Variants in PCDH10 observed in about 807,000 individuals in gnomAD.
The protein encoded by PCDH10 is protocadherin-10.
Under a neutral mutation model 74.4 loss-of-function variants are expected in PCDH10, and 15 were observed. The observed-to-expected ratio is 0.20, with a 90% CI of 0.13 to 0.31. The LOEUF (loss-of-function observed/expected upper bound fraction) is 0.31, where lower values mean the gene tolerates loss of function less well. PCDH10 is among the 10% of genes least tolerant of loss of function. The pLI, the probability that PCDH10 is intolerant of heterozygous loss-of-function variation, is 1.00. For synonymous variants in PCDH10, 619 were observed against 589.8 expected (o/e 1.05, Z -0.72); for missense variants, 1,260 against 1,390.2 (o/e 0.91, Z 1.49).
At chr4:133,188,673 T>G (rs908589051) in intron 4 of PCDH10, among the ~76,000 whole-genome samples, 36 of 139,332 alleles carry the variant, frequency 2.6e-4, no homozygotes, top group Non-Finnish European at 3.1e-4. Context: ...GGGTTTTTTT[T>G]TTTTTTTTTT....
At chr4:133,157,191 T>C (rs141269043) in intron 3 of PCDH10, among the ~76,000 whole-genome samples, 18 of 152,350 alleles carry the variant, frequency 1.2e-4, no homozygotes, top group African/African-American at 4.3e-4. Flanking sequence ...AAAGCACTTA[T>C]GTTAAGAAGT....
At chr4:133,159,280 C>T (rs1326344634) in intron 3 of PCDH10, among the ~76,000 whole-genome samples, 1 of 151,944 alleles carries the variant, frequency 6.6e-6, no homozygotes, top group Non-Finnish European at 1.5e-5. Context: ...ATATCCACTG[C>T]CTGTGAGTGT....
At chr4:133,205,591 C>G (rs1276953723) in intron 2 of PCDH10, among the ~76,000 whole-genome samples, 1 of 152,072 alleles carries the variant, frequency 6.6e-6, no homozygotes, top group Non-Finnish European at 1.5e-5. Context: ...AATTATTACT[C>G]TCATCATTTC....
rs373261582 is a variant in PCDH10 at position 133,152,227 on chromosome 4, C to T, written c.2087C>T (p.Ser696Leu). Residue 696 changes from serine (S) to leucine (L), a missense_variant, in exon 1 of 5, where the codon TCA (serine) becomes TTA (leucine). Around this residue, in one of 11 missense-constraint regions of PCDH10, gnomAD observed 587 missense variants for 616.9 expected, o/e 0.95. Transcript: ENST00000264360. ...QGGGGSGGGG[S>L]GEHQRPSRSG... is the part of the protein sequence containing the mutation. ...GGGGGCGGGAGCGGAGGCGGAGGGT[C>T]AGGAGAGCACCAGCGCCCCAGTCGC... 1 of 1,604,324 alleles carries T rather than the reference C, an allele frequency of 6.2e-7. No individual in the cohort carries two copies. Among genetic ancestry groups the T allele is most frequent in the Non-Finnish European group, 8.5e-7 (1 of 1,175,108 alleles).
chr4:133,166,761 T>C (rs1252365055), intron 4 of PCDH10, among the ~76,000 whole-genome samples: 1 of 151,552 alleles, frequency 6.6e-6, no homozygotes, highest in Non-Finnish European at 1.5e-5. Flanking sequence ...CGTAAGTATG[T>C]GTTATTTGGA....
chr4:133,172,962 A>G (rs575014434), intron 4 of PCDH10, among the ~76,000 whole-genome samples: 1 of 151,982 alleles, frequency 6.6e-6, no homozygotes, highest in South Asian at 2.1e-4. Context: ...TCTATCAGAA[A>G]TGCTTTATAC....
Position 133,175,571 on chromosome 4 carries a change from A to T in PCDH10, c.3103+12289A>T, listed in dbSNP as rs183781644. Among the ~76,000 whole-genome samples the T allele has an allele frequency of 3.9e-3, 599 of 152,252 alleles. 5 individuals are homozygous for T. Among genetic ancestry groups the T allele is most frequent in the Non-Finnish European group, 4.8e-3 (324 of 67,998 alleles). On this transcript the variant is annotated intron_variant, in intron 4 of 4. Transcript: ENST00000264360. The stretch of plus-strand genomic sequence containing the variant: ...AAAATACCAATATAATAGCCAAATA[A>T]ACTGAAATACTCTTAAGAGATCGCC...
chr4:133,193,463 T>C lies in PCDH10; in HGVS notation c.*3303T>C, dbSNP rs1374813712. On this transcript the variant is annotated 3_prime_UTR_variant, in exon 5 of 5. Coordinates refer to ENST00000264360, the MANE Select transcript of PCDH10 (RefSeq NM_032961.3). ...ATCAGATTCTCTGTATTATAGAAGCTATCTTGCTTCTTCAATAAGAGGAGG... is the reference window on the plus strand; with the variant it reads ...ATCAGATTCTCTGTATTATAGAAGCCATCTTGCTTCTTCAATAAGAGGAGG... The C allele has an allele frequency of 1.3e-5, 2 of 151,710 alleles. No homozygotes were observed. The highest frequency in any genetic ancestry group is 4.8e-5 in the African/African-American group (2 of 41,422). 9.4% of individuals were successfully genotyped at this position (151,710 alleles called of 1,614,324 possible). A position where few individuals can be genotyped will look rare whatever the true frequency, so the allele number is the denominator to read the frequency against.
intron 2 of PCDH10, among the ~76,000 whole-genome samples, chr4:133,206,071 G>A (rs1308848872): frequency 2.6e-5 from 4 of 152,112 alleles, no homozygotes; most frequent in Admixed American, 1.3e-4. Flanking sequence ...TGTCTGTAGG[G>A]TAATCTGGGT....
At position 133,152,725 on chromosome 4, in the gene PCDH10, A is replaced by C. The variant is rs1370359884; in HGVS notation, c.2585A>C (p.Asp862Ala). 1.2e-6 allele frequency: 2 copies of C among 1,614,216 alleles called. No individual in the cohort carries two copies. Among genetic ancestry groups the C allele is most frequent in the East Asian group, 2.2e-5 (1 of 44,866 alleles). ...GGGGCCATCGTCACCGGTTACACCGACCAGCAGCCTGATATCATCTCCAAC... is the reference window on the plus strand; with the variant it reads ...GGGGCCATCGTCACCGGTTACACCGCCCAGCAGCCTGATATCATCTCCAAC... ...PCGAIVTGYT[D>A]QQPDIISNGS... The change falls in exon 1 of 5, where the codon GAC becomes GCC. Residue 862 changes from aspartate (D) to alanine (A), a missense_variant. Physicochemically the swap from Asp to Ala is moderately radical, Grantham distance 126 (BLOSUM62 -2). This residue lies in a region of PCDH10 where 587 missense variants were observed against 616.9 expected (regional missense o/e 0.95). Transcript: ENST00000264360.
chr4:133,163,211 G>A lies in PCDH10; in HGVS notation c.3032G>A (p.Ser1011Asn), dbSNP rs1727007828. 1 of 1,614,028 alleles carries A rather than the reference G, an allele frequency of 6.2e-7. No homozygotes were observed. Among genetic ancestry groups the A allele is most frequent in the Admixed American group, 1.7e-5 (1 of 59,994 alleles). ...STFGKEKALH[S>N]TLERKELDGL... ...TTTGGCAAAGAGAAGGCCCTTCACA[G>A]CACTCTGGAGAGGAAGGAGCTGGAT... Residue 1011 changes from serine to asparagine, a missense_variant, in exon 4 of 5, where the codon AGC (serine) becomes AAC (asparagine). Ser to Asn is a conservative substitution (Grantham distance 46). This residue lies in a region of PCDH10 where 136 missense variants were observed against 149.3 expected (regional missense o/e 0.91). Coordinates refer to ENST00000264360, the MANE Select transcript of PCDH10 (RefSeq NM_032961.3).
At chr4:133,156,443 T>G (rs1402982070) in intron 3 of PCDH10, among the ~76,000 whole-genome samples, 12 of 152,232 alleles carry the variant, frequency 7.9e-5, no homozygotes, top group Non-Finnish European at 2.9e-5. Flanking sequence ...GAGCATCTAT[T>G]TAGTGTCTGG....
chr4:133,152,186 C>G lies in PCDH10; in HGVS notation c.2046C>G (p.Ala682=), dbSNP rs148357904. ...TGGTGGTTCAGCTGGTGGATGGCGC[C>G]GTGGAGCCCCAGGGCGGGGGCGGGA... ...ATLVVQLVDG[A]VEPQGGGGSG... is the part of the protein sequence containing the mutation. The change falls in exon 1 of 5, where the codon GCC becomes GCG. Residue 682 remains alanine (A), a synonymous_variant. Transcript: ENST00000264360. 457 of 1,574,178 alleles carry G rather than the reference C, an allele frequency of 2.9e-4. No homozygotes were observed. Among genetic ancestry groups the G allele is most frequent in the Non-Finnish European group, 3.7e-4 (433 of 1,160,784 alleles).
intron 4 of PCDH10, among the ~76,000 whole-genome samples, chr4:133,188,893 T>C (rs1312606908): frequency 6.6e-6 from 1 of 151,916 alleles, no homozygotes; most frequent in Non-Finnish European, 1.5e-5. Context: ...CAGGCTGGTT[T>C]CAAACTCCTG....
Position 133,151,097 on chromosome 4 carries a change from A to T in PCDH10, c.957A>T (p.Glu319Asp), listed in dbSNP as rs752679579. 1 of 1,614,092 alleles carries T rather than the reference A, an allele frequency of 6.2e-7. No homozygotes were observed. Among genetic ancestry groups the T allele is most frequent in the South Asian group, 1.1e-5 (1 of 91,090 alleles). ...RLEVSGELDYEESPVYQVYVQ... is the reference protein window; with the variant it reads ...RLEVSGELDYDESPVYQVYVQ... ...AGGTAAGCGGCGAGTTGGACTATGA[A>T]GAGAGCCCAGTGTACCAAGTGTACG... Residue 319 changes from glutamate to aspartate, a missense_variant, in exon 1 of 5, where the codon GAA (glutamate) becomes GAT (aspartate). This residue lies in a region of PCDH10 where 192 missense variants were observed against 161.2 expected (regional missense o/e 1.19). Transcript: ENST00000264360.
intron 4 of PCDH10, among the ~76,000 whole-genome samples, chr4:133,168,192 T>G (rs1727125846): frequency 6.6e-6 from 1 of 151,342 alleles, no homozygotes; most frequent in Admixed American, 6.6e-5. Flanking sequence ...TAGTCGTCTA[T>G]CTCAGCTAGT....
rs1480676675 is a variant in PCDH10, at chr4:133,192,951, C to G, written c.*2791C>G. On this transcript the variant is annotated 3_prime_UTR_variant, in exon 5 of 5. Transcript: ENST00000264360. ...CTGGTCATTCTAATATCCAATCTTA[C>G]ATAATTTTATATACATCAAAGAATA... 1.3e-5 allele frequency: 2 copies of G among 151,596 alleles called. No homozygotes were observed. Among genetic ancestry groups the G allele is most frequent in the Non-Finnish European group, 3.0e-5 (2 of 67,622 alleles). 9.4% of individuals were successfully genotyped at this position (151,596 alleles called of 1,614,324 possible).
At chr4:133,207,984 T>C (rs1007777593) in intron 2 of PCDH10, 1 of 152,170 alleles carries the variant, frequency 6.6e-6, no homozygotes, top group Admixed American at 6.6e-5. Context: ...GTGAAGTGAT[T>C]TCACACTTGA....
At chr4:133,155,418 A>G (rs1030947577) in intron 3 of PCDH10, among the ~76,000 whole-genome samples, 2 of 152,192 alleles carry the variant, frequency 1.3e-5, no homozygotes, top group African/African-American at 4.8e-5. Flanking sequence ...ATTGACCTGC[A>G]CAAGGTCACA....
Sources: gnomAD v4.1 joint callset for allele counts (sites outside exome capture counted in the v4.1 genomes callset) on GRCh38, gnomAD v4.1.1 for gene constraint, gnomAD v4.1.1 regional missense constraint, MANE v1.5 for transcripts, NCBI Gene and HGNC (gene_info 2026-07-23, HGNC 2026-07-21) for gene names.